The following FHIT variants were observed in gnomAD, a reference collection of about 807,000 sequenced individuals.
The protein encoded by FHIT is fragile histidine triad diadenosine triphosphatase.
Under a neutral mutation model 17.9 loss-of-function variants are expected in FHIT, and 19 were observed. The observed-to-expected ratio is 1.06, with a 90% CI of 0.74 to 1.56. FHIT has a LOEUF of 1.56. Ranked by LOEUF, FHIT falls within the 40% of genes most tolerant of loss-of-function variation. The pLI is 0.00. For missense variants in FHIT, 248 were observed against 189.2 expected (o/e 1.31, Z -1.82); for synonymous variants, 81 against 69.7 (o/e 1.16, Z -0.81).
chr3:59,824,254 G>T (rs1700898206), intron 8 of FHIT, among the ~76,000 whole-genome samples: 1 of 152,132 alleles, frequency 6.6e-6, no homozygotes, highest in African/African-American at 2.4e-5. Context: ...ACGGAGGGAG[G>T]TAGAGAGAGT....
At chr3:60,418,376 G>GTATATATATATATATA (rs869203310) in intron 5 of FHIT, among the ~76,000 whole-genome samples, 1 of 14,914 alleles carries the variant, frequency 6.7e-5, no homozygotes, top group African/African-American at 2.1e-4. Flanking sequence ...CTGAATGTGT[G>GTATATATATATATATA]TATATATATA....
In FHIT at chr3:60,363,237, G is replaced by A. The variant is rs533021145; in HGVS notation, c.103+173623C>T. On this transcript the variant is annotated intron_variant, in intron 5 of 9. Coordinates refer to ENST00000492590, the MANE Select transcript of FHIT (RefSeq NM_002012.4). Reference sequence around the variant, plus strand: ...TCCTTACCATTGCTCTACCCAGTTTGTGTCCCCACTGAATCACTCCCCAGC... The same window carrying A: ...TCCTTACCATTGCTCTACCCAGTTTATGTCCCCACTGAATCACTCCCCAGC... Among the ~76,000 whole-genome samples, 8 of 152,224 alleles carry A rather than the reference G, an allele frequency of 5.3e-5. No individual in the cohort carries two copies. In the South Asian group the frequency reaches 1.7e-3, roughly 32 times the overall value.
At chr3:60,744,258 C>CAAAAAAAAAAAAAAAAAAAAAAAAAAA (rs371224955) in intron 4 of FHIT, among the ~76,000 whole-genome samples, 5 of 95,638 alleles carry the variant, frequency 5.2e-5, no homozygotes, top group African/African-American at 1.2e-4. Context: ...AAAAAAAAAA[C>CAAAAAAAAAAAAAAAAAAAAAAAAAAA]AAAACAAAAC....
intron 5 of FHIT, among the ~76,000 whole-genome samples, chr3:60,139,840 CTA>C (rs764032572): frequency 2.5e-4 from 36 of 146,380 alleles, no homozygotes; most frequent in Non-Finnish European, 4.9e-4. Context: ...AAATGGTTAA[CTA>C]TGGCCACGCA....
chr3:60,325,953 G>T (rs541784656), intron 5 of FHIT, among the ~76,000 whole-genome samples: 215 of 152,232 alleles, frequency 1.4e-3, no homozygotes, highest in African/African-American at 3.3e-3. Flanking sequence ...CTTAATTTCC[G>T]CATTCAAAGG....
At chr3:61,216,091 T>C (rs2039666101) in intron 1 of FHIT, among the ~76,000 whole-genome samples, 1 of 152,100 alleles carries the variant, frequency 6.6e-6, no homozygotes, top group Admixed American at 6.6e-5. Context: ...GGGCAAGGAC[T>C]TCATGTCTAA....
chr3:61,108,836 A>T (rs1213692388), intron 2 of FHIT, among the ~76,000 whole-genome samples: 2 of 152,226 alleles, frequency 1.3e-5, no homozygotes, highest in South Asian at 2.1e-4. Flanking sequence ...TGCCACTCTC[A>T]GTCCCTATAA....
intron 5 of FHIT, among the ~76,000 whole-genome samples, chr3:60,395,508 GA>G (rs1701403645): frequency 6.6e-6 from 1 of 152,112 alleles, no homozygotes; most frequent in Non-Finnish European, 1.5e-5. Context: ...TAAGGAAAGG[GA>G]ATAATCTAAG....
Position 60,981,366 on chromosome 3 carries a change from G to A in FHIT, c.-111+60681C>T, listed in dbSNP as rs150579867. Among the ~76,000 whole-genome samples the A allele has an allele frequency of 1.3e-4, 18 of 143,832 alleles. No homozygotes were observed. The East Asian group carries it at 2.1e-3, about 17-fold the overall frequency. The allele number at this position is 143,832 out of a possible 152,430, so 94.4% of individuals were successfully genotyped here. On this transcript the variant is annotated intron_variant, in intron 3 of 9. Coordinates refer to ENST00000492590, the MANE Select transcript of FHIT (RefSeq NM_002012.4). ...GTCACCCAGGCTGGAGTGCAGTAGC[G>A]TGATCTTAGCTCACTGCAATCTCCA...
At position 59,761,561 on chromosome 3, in the gene FHIT, T is replaced by C. The variant is rs988878799; in HGVS notation, c.349-9240A>G. Among the ~76,000 whole-genome samples the C allele has an allele frequency of 5.9e-5, 9 of 152,080 alleles. No homozygotes were observed. The South Asian group carries it at 6.2e-4, about 10-fold the overall frequency. On this transcript the variant is annotated intron_variant, in intron 8 of 9. Transcript: ENST00000492590. ...AATTGTAACAATGCACTGTTCACAATTGCACAAACAGAAGATCCCTGCTTG... is the reference window on the plus strand; with the variant it reads ...AATTGTAACAATGCACTGTTCACAACTGCACAAACAGAAGATCCCTGCTTG...
intron 4 of FHIT, among the ~76,000 whole-genome samples, chr3:60,555,025 T>G (rs1481237033): frequency 6.6e-6 from 1 of 152,240 alleles, no homozygotes; most frequent in African/African-American, 2.4e-5. Context: ...ACTACATGAC[T>G]GATACATTTT....
intron 5 of FHIT, among the ~76,000 whole-genome samples, chr3:60,131,324 T>A (rs1177445696): frequency 6.6e-6 from 1 of 151,532 alleles, no homozygotes; most frequent in Non-Finnish European, 1.5e-5. Context: ...ATTTTTATTG[T>A]TGTATTACTT....
At chr3:60,254,717 T>C (rs1353920879) in intron 5 of FHIT, among the ~76,000 whole-genome samples, 1 of 152,128 alleles carries the variant, frequency 6.6e-6, no homozygotes, top group Non-Finnish European at 1.5e-5. Context: ...CAGCCCTCCA[T>C]TACAATCCAC....
At chr3:60,816,891 T>C (rs1454794277) in intron 4 of FHIT, among the ~76,000 whole-genome samples, 1 of 152,020 alleles carries the variant, frequency 6.6e-6, no homozygotes, top group Non-Finnish European at 1.5e-5. Flanking sequence ...TTTAGTCTGA[T>C]TACTGATATG....
chr3:60,682,737 A>T (rs1426450682), intron 4 of FHIT, among the ~76,000 whole-genome samples: 1 of 152,202 alleles, frequency 6.6e-6, no homozygotes, highest in African/African-American at 2.4e-5. Context: ...CCCATGGGTG[A>T]AGGAGTAATT....
chr3:60,101,122 CG>C (rs1385496564), intron 5 of FHIT, among the ~76,000 whole-genome samples: 2 of 152,214 alleles, frequency 1.3e-5, no homozygotes, highest in African/African-American at 4.8e-5. Context: ...TGCCGGCCCC[CG>C]CTCCCTATTC....
At chr3:60,083,306 A>G (rs1433791326) in intron 5 of FHIT, among the ~76,000 whole-genome samples, 1 of 151,994 alleles carries the variant, frequency 6.6e-6, no homozygotes, top group African/African-American at 2.4e-5. Flanking sequence ...ATTCTGTTCC[A>G]TTGGTCTTTG....
chr3:60,381,068 T>C (rs769121082), intron 5 of FHIT, among the ~76,000 whole-genome samples: 3 of 152,180 alleles, frequency 2.0e-5, no homozygotes, highest in Non-Finnish European at 4.4e-5. Flanking sequence ...GAATAAGAGC[T>C]TGGTGCTTCA....
chr3:60,289,793 A>G (rs968792048), intron 5 of FHIT, among the ~76,000 whole-genome samples: 3 of 150,912 alleles, frequency 2.0e-5, no homozygotes, highest in East Asian at 3.9e-4. Context: ...TAGAAGAAGG[A>G]ATGAGAGTGT....
Sources: allele counts gnomAD v4.1 joint callset (sites outside exome capture counted in the v4.1 genomes callset), GRCh38; gene constraint gnomAD v4.1.1; transcripts MANE v1.5; gene names NCBI Gene and HGNC (gene_info 2026-07-23, HGNC 2026-07-21).